Variants in SH2B1 observed in about 807,000 individuals in gnomAD.
SH2B1 encodes the protein SH2B adapter protein 1.
A neutral mutation model predicts 62.6 loss-of-function variants in SH2B1; 15 were observed. The ratio of observed to expected loss-of-function variants is 0.24; its 90% CI spans 0.16 to 0.37. The LOEUF is 0.37. SH2B1 is among the 10% of genes least tolerant of loss of function. The pLI is 1.00. For synonymous variants in SH2B1, 443 were observed against 438.0 expected (o/e 1.01, Z -0.14); for missense variants, 925 against 1,015.6 (o/e 0.91, Z 1.21).
chr16:28,850,856 C>G (rs956794635), intron 1 of SH2B1, among the ~76,000 whole-genome samples: 86 of 129,088 alleles, frequency 6.7e-4, no homozygotes, highest in Middle Eastern at 6.3e-3. Flanking sequence ...GAGCGAGACT[C>G]CATCTGAAAA....
intron 1 of SH2B1, among the ~76,000 whole-genome samples, chr16:28,855,775 G>A (rs1233699301): frequency 1.3e-5 from 2 of 149,410 alleles, no homozygotes; most frequent in African/African-American, 4.9e-5. Context: ...GAGTAGCTGG[G>A]ACTACAGGCG....
intron 2 of SH2B1, among the ~76,000 whole-genome samples, chr16:28,867,857 C>G (rs953963029): frequency 1.3e-5 from 2 of 152,200 alleles, no homozygotes; most frequent in African/African-American, 4.8e-5. Flanking sequence ...GAGATAGAGC[C>G]TTGCTCTGCC....
intron 1 of SH2B1, among the ~76,000 whole-genome samples, chr16:28,854,963 T>A (rs1327280258): frequency 1.3e-5 from 2 of 149,178 alleles, no homozygotes; most frequent in African/African-American, 4.9e-5. Flanking sequence ...GCAACCTCCA[T>A]CTCCTGGGTT....
chr16:28,852,321 TATATATTTAC>T (rs1567458236), intron 1 of SH2B1, among the ~76,000 whole-genome samples: 9 of 81,994 alleles, frequency 1.1e-4, no homozygotes, highest in African/African-American at 4.2e-4. Flanking sequence ...TATTTACATA[TATATATTTAC>T]ATATATATTT....
intron 1 of SH2B1, among the ~76,000 whole-genome samples, chr16:28,852,351 T>TA (rs1962136298): frequency 4.8e-5 from 4 of 83,104 alleles, no homozygotes; most frequent in African/African-American, 1.1e-4. Context: ...TACATATATA[T>TA]TTATATATAT....
rs200801299 is a variant in SH2B1, at chr16:28,872,359, G to A, written c.1683G>A (p.Arg561=). The A allele has an allele frequency of 1.7e-5, 28 of 1,612,810 alleles. No homozygotes were observed. The African/African-American group carries it at 3.6e-4, about 21-fold the overall frequency. Residue 561 remains arginine (R), a synonymous_variant, in exon 6 of 8, where the codon CGG becomes CGA. Coordinates refer to ENST00000684370, the MANE Select transcript of SH2B1 (RefSeq NM_001387430.1). This position sits in a 1 kb window ranked among gnomAD's most constrained non-coding sequence, Gnocchi z 5.3. The stretch of plus-strand genomic sequence containing the variant: ...TGGTGCGCCAGAGTGAGACAAGGCG[G>A]GGTGAATACGTCCTCACCTTCAACT... ...VFLVRQSETR[R]GEYVLTFNFQ... is the part of the protein sequence containing the mutation.
Position 28,872,182 on chromosome 16 carries a change from T to A in SH2B1, c.1514-8T>A. 6.2e-7 allele frequency: 1 copy of A among 1,610,188 alleles called. No homozygotes were observed. The highest frequency in any genetic ancestry group is 1.1e-5 in the South Asian group (1 of 90,866). On this transcript the variant is annotated splice_polypyrimidine_tract_variant and splice_region_variant and intron_variant, in intron 5 of 7. Coordinates refer to ENST00000684370, the MANE Select transcript of SH2B1 (RefSeq NM_001387430.1). This position sits in a 1 kb window ranked among gnomAD's most constrained non-coding sequence, Gnocchi z 5.3. ...ACCCCGGTTTCCCTCCCTCTCTCCT[T>A]CCTGAAGGGTCCTTCCTGTTCCAGG...
chr16:28,873,650 G>A lies in SH2B1; in HGVS notation c.2101G>A (p.Val701Met), dbSNP rs757522501. ...GGTCCCCGTGGTTGAGCTGGTCCCCGTGGTTGAATTGGAAGAGGCCATAGC... is the reference window on the plus strand; with the variant it reads ...GGTCCCCGTGGTTGAGCTGGTCCCCATGGTTGAATTGGAAGAGGCCATAGC... ...ELVPVVELVP[V>M]VELEEAIAPG... Residue 701 changes from valine (V) to methionine (M), a missense_variant, in exon 8 of 8, where the codon GTG becomes ATG. Val to Met is a conservative substitution (Grantham distance 21, BLOSUM62 1). Around this residue, in one of 3 missense-constraint regions of SH2B1, gnomAD observed 185 missense variants for 189.5 expected, o/e 0.98. Coordinates refer to ENST00000684370, the MANE Select transcript of SH2B1 (RefSeq NM_001387430.1). The surrounding 1 kb of genome is among the most constrained non-coding windows in gnomAD (Gnocchi z 4.2). 100 of 1,533,648 alleles carry A rather than the reference G, an allele frequency of 6.5e-5. No individual in the cohort carries two copies. Among genetic ancestry groups the A allele is most frequent in the Non-Finnish European group, 8.4e-5 (96 of 1,138,838 alleles).
Position 28,864,711 on chromosome 16 carries a change from A to G in SH2B1, c.-1384A>G, listed in dbSNP as rs1269545570. 6 of 972,354 alleles carry G rather than the reference A, an allele frequency of 6.2e-6. No individual in the cohort carries two copies. Among genetic ancestry groups the G allele is most frequent in the Non-Finnish European group, 7.3e-6 (6 of 818,282 alleles). 60.2% of individuals were successfully genotyped at this position (972,354 alleles called of 1,614,324 possible). On this transcript the variant is annotated 5_prime_UTR_variant, in exon 1 of 8. Transcript: ENST00000684370. ...GGCGGGAGGAGCGCTAACAAGAGCCAAGGGTTGTAAATTCCACACCCAGCT... is the reference window on the plus strand; with the variant it reads ...GGCGGGAGGAGCGCTAACAAGAGCCGAGGGTTGTAAATTCCACACCCAGCT...
chr16:28,867,492 C>T (rs887796961), intron 2 of SH2B1, 60 bp downstream of exon 2: 3 of 1,326,954 alleles, frequency 2.3e-6, no homozygotes, highest in Non-Finnish European at 3.3e-6. Context: ...GCCCTCAGCG[C>T]ATTTAAGCAA....
Position 28,866,677 on chromosome 16 carries a change from G to A in SH2B1, c.583G>A (p.Gly195Ser). 1 of 1,605,934 alleles carries A rather than the reference G, an allele frequency of 6.2e-7. No individual in the cohort carries two copies. Among genetic ancestry groups the A allele is most frequent in the Non-Finnish European group, 8.5e-7 (1 of 1,175,544 alleles). Residue 195 changes from glycine to serine, a missense_variant, in exon 1 of 8, where the codon GGT becomes AGT. By Grantham distance (56) the Gly-to-Ser change is moderately conservative (BLOSUM62 0). This residue lies in a region of SH2B1 where 683 missense variants were observed against 704.0 expected (regional missense o/e 0.97). Transcript: ENST00000684370. This position sits in a 1 kb window ranked among gnomAD's most constrained non-coding sequence, Gnocchi z 6.3. ...GACCTCGTCAGGCCCCCCAGTCTTA[G>A]GTGGAAACAGCAACTCCAACTCCTC... ...LETSSGPPVL[G>S]GNSNSNSSGG...
rs752298056 is a variant in SH2B1 at position 28,873,493 on chromosome 16, A to G, written c.1944A>G (p.Ser648=). The change falls in exon 8 of 8, where the codon TCA becomes TCG. Residue 648 remains serine, a synonymous_variant. Coordinates refer to ENST00000684370, the MANE Select transcript of SH2B1 (RefSeq NM_001387430.1). This position sits in a 1 kb window ranked among gnomAD's most constrained non-coding sequence, Gnocchi z 4.2. ...CACCCCAGCCCCCTGAACCCCCTTC[A>G]TGGACAGATCCCCCACAGCCTGGGG... The part of the protein sequence containing the change: ...HDPPQPPEPP[S]WTDPPQPGAE... 5.1e-6 allele frequency: 8 copies of G among 1,581,906 alleles called. No individual in the cohort carries two copies. In the Admixed American group the frequency reaches 1.3e-4, roughly 26 times the overall value.
At chr16:28,859,028 G>C (rs1962381377), upstream of SH2B1, among the ~76,000 whole-genome samples, 1 of 151,252 alleles carries the variant, frequency 6.6e-6, no homozygotes, top group Non-Finnish European at 1.5e-5. Context: ...TGCAACCTCT[G>C]CCTCCCTGGT....
chr16:28,854,449 CTGT>C (rs1962277541), intron 1 of SH2B1, among the ~76,000 whole-genome samples: 1 of 151,974 alleles, frequency 6.6e-6, no homozygotes, highest in South Asian at 2.1e-4. Context: ...CTCAATAAAG[CTGT>C]TATTAAAAAA....
chr16:28,856,435 A>G (rs989777944), intron 1 of SH2B1, among the ~76,000 whole-genome samples: 2 of 152,244 alleles, frequency 1.3e-5, no homozygotes, highest in Admixed American at 1.3e-4. Context: ...ATTCACATTC[A>G]TTTTTATAAA....
intron 1 of SH2B1, among the ~76,000 whole-genome samples, chr16:28,848,433 G>T (rs9972692): frequency 2.0e-5 from 3 of 151,524 alleles, no homozygotes; most frequent in Non-Finnish European, 4.4e-5. Context: ...GCGAGACTCC[G>T]TCTCCAAAAA....
chr16:28,861,172 GC>G (rs1279829026), upstream of SH2B1, among the ~76,000 whole-genome samples: 1 of 152,086 alleles, frequency 6.6e-6, no homozygotes. Context: ...TCGCTCTGTT[GC>G]CCAGGCTGGA....
chr16:28,852,416 TTATATATTTACA>T lies in SH2B1; in HGVS notation c.-301+5600_-301+5611del, dbSNP rs1362607798. Among the ~76,000 whole-genome samples, 2 of 26,138 alleles carry T rather than the reference TTATATATTTACA, an allele frequency of 7.7e-5. 1 individual carries two copies. The highest frequency in any genetic ancestry group is 1.3e-4 in the Non-Finnish European group (2 of 15,454). 17.1% of individuals were successfully genotyped at this position (26,138 alleles called of 152,430 possible). On this transcript the variant is annotated intron_variant, in intron 1 of 10. Coordinates refer to the SH2B1 transcript ENST00000322610. ...TATACATATATATTTACATATATAT[TTATATATTTACA>T]TATATATTTATATATATATTTACAT...
chr16:28,853,197 G>T (rs1962245178), intron 1 of SH2B1, among the ~76,000 whole-genome samples: 2 of 128,440 alleles, frequency 1.6e-5, no homozygotes, highest in South Asian at 4.6e-4. Context: ...ACGGAGTCTT[G>T]CTCATATATA....
Sources: gnomAD v4.1 joint callset for allele counts (sites outside exome capture counted in the v4.1 genomes callset) on GRCh38, gnomAD v4.1.1 for gene constraint, gnomAD v4.1.1 regional missense constraint, Gnocchi (gnomAD v3.1) non-coding constraint, MANE v1.5 for transcripts, NCBI Gene and HGNC (gene_info 2026-07-23, HGNC 2026-07-21) for gene names.